NCKAP5: variants seen among roughly 807,000 people sequenced by gnomAD.
The protein encoded by NCKAP5 is NCK associated protein 5.
A neutral mutation model predicts 167.0 loss-of-function variants in NCKAP5; 92 were observed. The ratio of observed to expected loss-of-function variants is 0.55; its 90% CI spans 0.47 to 0.66. NCKAP5 has a LOEUF of 0.66. Ranked by LOEUF, NCKAP5 falls within the 30% of genes least tolerant of loss-of-function variation. NCKAP5 has a pLI of 0.00. For synonymous variants in NCKAP5, 891 were observed against 877.4 expected (o/e 1.02, Z -0.27); for missense variants, 2,378 against 2,315.0 (o/e 1.03, Z -0.56).
intron 8 of NCKAP5, among the ~76,000 whole-genome samples, chr2:132,958,685 C>T (rs1164720610): frequency 6.6e-6 from 1 of 152,118 alleles, no homozygotes; most frequent in Non-Finnish European, 1.5e-5. Flanking sequence ...CCAAGCTTTC[C>T]AGCATCTTCA....
chr2:133,559,806 T>G (rs1688030579), intron 1 of NCKAP5, among the ~76,000 whole-genome samples: 1 of 152,128 alleles, frequency 6.6e-6, no homozygotes, highest in African/African-American at 2.4e-5. Flanking sequence ...ACTCCAAAGA[T>G]CAAATCCTGG....
chr2:133,587,187 C>T, the NCKAP5 span, among the ~76,000 whole-genome samples: 7 of 152,146 alleles, frequency 4.6e-5, no homozygotes, highest in Non-Finnish European at 7.3e-5. Context: ...AATGAGTAAG[C>T]ATGAGAGGCC....
chr2:132,705,304 C>T (rs1688255294), intron 19 of NCKAP5, among the ~76,000 whole-genome samples: 1 of 152,038 alleles, frequency 6.6e-6, no homozygotes, highest in South Asian at 2.1e-4. Flanking sequence ...TTTATCTATA[C>T]CCTTTTATAG....
At chr2:132,756,646 T>C (rs1245450941) in intron 16 of NCKAP5, among the ~76,000 whole-genome samples, 1 of 150,582 alleles carries the variant, frequency 6.6e-6, no homozygotes, top group Non-Finnish European at 1.5e-5. Context: ...ACTGATTTAT[T>C]TAAACATGTT....
chr2:133,648,181 A>G, the NCKAP5 span, among the ~76,000 whole-genome samples: 46 of 152,288 alleles, frequency 3.0e-4, 1 homozygote, highest in East Asian at 6.2e-3. Flanking sequence ...CCAGGAATAG[A>G]TAACAATCAT....
intron 16 of NCKAP5, among the ~76,000 whole-genome samples, chr2:132,747,105 T>C (rs1679711629): frequency 6.6e-6 from 1 of 151,594 alleles, no homozygotes; most frequent in African/African-American, 2.4e-5. Flanking sequence ...TTCAAAAGGA[T>C]GAATTTTGTT....
At chr2:132,965,642 T>G (rs2076637320) in intron 7 of NCKAP5, among the ~76,000 whole-genome samples, 1 of 152,130 alleles carries the variant, frequency 6.6e-6, no homozygotes, top group Non-Finnish European at 1.5e-5. Context: ...CACACATTCC[T>G]TAGGAGATTT....
chr2:133,368,841 G>T (rs1203099142), intron 3 of NCKAP5, among the ~76,000 whole-genome samples: 1 of 152,210 alleles, frequency 6.6e-6, no homozygotes, highest in African/African-American at 2.4e-5. Context: ...GTATAACATT[G>T]CATGACACGT....
intron 3 of NCKAP5, among the ~76,000 whole-genome samples, chr2:133,498,480 A>AAGGCAGGC (rs60553398): frequency 6.1e-4 from 62 of 101,802 alleles, no homozygotes; most frequent in African/African-American, 1.7e-3. Context: ...GGAAGGAAGG[A>AAGGCAGGC]AGGCAGGCAG....
the NCKAP5 span, among the ~76,000 whole-genome samples, chr2:133,645,317 T>A: frequency 8.5e-5 from 13 of 152,130 alleles, no homozygotes; most frequent in Non-Finnish European, 1.3e-4. Context: ...TAAACAAAAT[T>A]CAATTATATG....
intron 8 of NCKAP5, among the ~76,000 whole-genome samples, chr2:132,903,733 G>A (rs1189985540): frequency 6.6e-6 from 1 of 152,132 alleles, no homozygotes; most frequent in African/African-American, 2.4e-5. Context: ...AACAGATTAG[G>A]CAAGGTAGAC....
At chr2:132,974,757 C>T (rs927917176) in intron 7 of NCKAP5, among the ~76,000 whole-genome samples, 18 of 152,232 alleles carry the variant, frequency 1.2e-4, no homozygotes, top group African/African-American at 3.1e-4. Context: ...CATTCCTCTA[C>T]GGAGTTGGTG....
At chr2:133,090,934 A>G (rs565080702) in intron 6 of NCKAP5, among the ~76,000 whole-genome samples, 1 of 152,096 alleles carries the variant, frequency 6.6e-6, no homozygotes, top group African/African-American at 2.4e-5. Flanking sequence ...TTCAATTGTA[A>G]TCCGCAGTGT....
At chr2:133,173,813 A>C (rs540334671) in intron 5 of NCKAP5, among the ~76,000 whole-genome samples, 94 of 152,190 alleles carry the variant, frequency 6.2e-4, no homozygotes, top group South Asian at 2.1e-3. Context: ...TGTTTTTGCC[A>C]TTTAGTCATG....
At chr2:133,083,177 G>T (rs150718461) in intron 6 of NCKAP5, among the ~76,000 whole-genome samples, 2 of 152,206 alleles carry the variant, frequency 1.3e-5, no homozygotes, top group African/African-American at 4.8e-5. Context: ...CGCTGTAAGA[G>T]AATTATATGA....
chr2:133,286,294 C>A (rs886603905), intron 4 of NCKAP5, among the ~76,000 whole-genome samples: 1 of 152,138 alleles, frequency 6.6e-6, no homozygotes, highest in Non-Finnish European at 1.5e-5. Flanking sequence ...CCACGCCCGG[C>A]CTCTTCTGTG....
At chr2:132,722,037 C>T (rs1255476923) in intron 19 of NCKAP5, among the ~76,000 whole-genome samples, 1 of 152,188 alleles carries the variant, frequency 6.6e-6, no homozygotes, top group African/African-American at 2.4e-5. Context: ...CTGGGACTCA[C>T]TTCATTTTGC....
chr2:133,654,867 A>C, the NCKAP5 span, among the ~76,000 whole-genome samples: 1 of 152,156 alleles, frequency 6.6e-6, no homozygotes, highest in African/African-American at 2.4e-5. Context: ...ACTCTTGGAG[A>C]TGCCATAACC....
chr2:133,330,154 C>T (rs1682746043), intron 3 of NCKAP5, among the ~76,000 whole-genome samples: 1 of 137,300 alleles, frequency 7.3e-6, no homozygotes, highest in Non-Finnish European at 1.5e-5. Flanking sequence ...GCAGCCTCTA[C>T]ATCCCAGGCT....
Sources: allele counts gnomAD v4.1 joint callset (sites outside exome capture counted in the v4.1 genomes callset), GRCh38; gene constraint gnomAD v4.1.1; transcripts MANE v1.5; gene names NCBI Gene and HGNC (gene_info 2026-07-23, HGNC 2026-07-21).